Variants in PRKCA observed in about 807,000 individuals in gnomAD.
PRKCA encodes the protein protein kinase C alpha.
PRKCA carries 27 observed loss-of-function variants against 87.0 expected under a neutral mutation model. That is an observed-to-expected ratio of 0.31 (90% CI 0.23 to 0.43). The LOEUF is 0.43. Ranked by LOEUF, PRKCA falls within the 20% of genes least tolerant of loss-of-function variation. PRKCA has a pLI of 1.00. For missense variants in PRKCA, 518 were observed against 852.3 expected (o/e 0.61, Z 4.88); for synonymous variants, 329 against 311.1 (o/e 1.06, Z -0.61).
rs543662891 is a variant in PRKCA, at chr17:66,532,089, ATTGCAGATGGTT to A, written c.288+35811_288+35822del. Among the ~76,000 whole-genome samples, 170 of 151,930 alleles carry A rather than the reference ATTGCAGATGGTT, an allele frequency of 1.1e-3. 1 individual carries two copies. Among genetic ancestry groups the A allele is most frequent in the African/African-American group, 3.7e-3 (154 of 41,434 alleles). ...TCAGGGTGAATTTCCAAGAGGGAAC[ATTGCAGATGGTT>A]TTGCCTTTAGGGATGGATTTTCTTA... is the stretch of plus-strand genomic sequence containing the variant. On this transcript the variant is annotated intron_variant, in intron 3 of 16. Transcript: ENST00000413366.
intron 2 of PRKCA, among the ~76,000 whole-genome samples, chr17:66,336,934 G>A (rs1245454335): frequency 3.3e-5 from 5 of 151,858 alleles, no homozygotes; most frequent in Non-Finnish European, 7.4e-5. Flanking sequence ...GGTTACAGGC[G>A]CCCGCCACCA....
At chr17:66,304,145 C>T (rs1401798696) in intron 1 of PRKCA, among the ~76,000 whole-genome samples, 2 of 152,150 alleles carry the variant, frequency 1.3e-5, no homozygotes, top group African/African-American at 2.4e-5. Context: ...ATTCTTAACT[C>T]GGAGGGTCCC....
At chr17:66,386,952 T>G (rs1224661024) in intron 2 of PRKCA, among the ~76,000 whole-genome samples, 4 of 152,162 alleles carry the variant, frequency 2.6e-5, no homozygotes, top group Non-Finnish European at 5.9e-5. Flanking sequence ...ATGGAAGAAT[T>G]GGTGAAAATG....
chr17:66,433,381 T>C (rs1459915074), intron 2 of PRKCA, among the ~76,000 whole-genome samples: 1 of 152,190 alleles, frequency 6.6e-6, no homozygotes, highest in African/African-American at 2.4e-5. Context: ...GCAGCCTCTC[T>C]CCCTGCTGAG....
intron 2 of PRKCA, among the ~76,000 whole-genome samples, chr17:66,374,337 G>A (rs1199468403): frequency 3.3e-5 from 5 of 152,294 alleles, no homozygotes; most frequent in South Asian, 2.1e-4. Flanking sequence ...AGTCCCCGGT[G>A]GGGGAGCGCT....
At chr17:66,765,467 CATATTTG>C (rs1974791986) in intron 13 of PRKCA, among the ~76,000 whole-genome samples, 3 of 62,112 alleles carry the variant, frequency 4.8e-5, no homozygotes, top group African/African-American at 5.9e-5. Context: ...CATATATATA[CATATTTG>C]TCCATATATA....
At chr17:66,693,554 C>T (rs1215361162) in intron 8 of PRKCA, among the ~76,000 whole-genome samples, 29 of 152,128 alleles carry the variant, frequency 1.9e-4, no homozygotes, top group Admixed American at 1.9e-3. Context: ...AATCTCCAGG[C>T]ACTATTGAGG....
chr17:66,800,901 G>T (rs1568043516), intron 16 of PRKCA, among the ~76,000 whole-genome samples: 1 of 152,128 alleles, frequency 6.6e-6, no homozygotes, highest in African/African-American at 2.4e-5. Context: ...GCTCATCTTT[G>T]CATGGTTAGT....
At chr17:66,374,719 C>CTTTTTT (rs35431248) in intron 2 of PRKCA, among the ~76,000 whole-genome samples, 61 of 115,784 alleles carry the variant, frequency 5.3e-4, no homozygotes, top group African/African-American at 1.3e-3. Context: ...GAGTTGCATT[C>CTTTTTT]TTTTTTTTTT....
At chr17:66,530,702 T>G (rs1218019777) in intron 3 of PRKCA, among the ~76,000 whole-genome samples, 1 of 152,152 alleles carries the variant, frequency 6.6e-6, no homozygotes, top group Admixed American at 6.5e-5. Context: ...CTGACCTACT[T>G]GAAGGCATTC....
intron 3 of PRKCA, among the ~76,000 whole-genome samples, chr17:66,507,953 G>C (rs1456106092): frequency 1.3e-5 from 2 of 152,172 alleles, no homozygotes; most frequent in East Asian, 3.9e-4. Context: ...GATTTCCCAG[G>C]ATCTAAGAAA....
chr17:66,740,412 G>A (rs933770095), intron 11 of PRKCA, among the ~76,000 whole-genome samples: 2 of 152,158 alleles, frequency 1.3e-5, no homozygotes, highest in African/African-American at 4.8e-5. Flanking sequence ...AACCTCGGGG[G>A]CATGTACCCT....
At chr17:66,371,006 C>T (rs529187525) in intron 2 of PRKCA, among the ~76,000 whole-genome samples, 20 of 152,166 alleles carry the variant, frequency 1.3e-4, no homozygotes, top group Middle Eastern at 3.4e-3. Flanking sequence ...AGTGAATCTC[C>T]GAAACAAATC....
At chr17:66,303,174 G>C in intron 1 of PRKCA, 150 bp downstream of exon 1, 1 of 1,096,436 alleles carries the variant, frequency 9.1e-7, no homozygotes, top group Non-Finnish European at 1.3e-6. Flanking sequence ...TGACACGCGC[G>C]CCCGGCCCTG....
chr17:66,534,290 T>C (rs1354029622), intron 3 of PRKCA, among the ~76,000 whole-genome samples: 1 of 152,200 alleles, frequency 6.6e-6, no homozygotes, highest in Non-Finnish European at 1.5e-5. Flanking sequence ...CTGTGTATTC[T>C]GCTGGTATTT....
chr17:66,478,775 G>C (rs1250417878), intron 2 of PRKCA, among the ~76,000 whole-genome samples: 3 of 152,062 alleles, frequency 2.0e-5, no homozygotes. Flanking sequence ...GTTGGTCTGT[G>C]TCCTTATAGA....
chr17:66,651,697 G>T (rs538694592), intron 5 of PRKCA, among the ~76,000 whole-genome samples: 17 of 152,222 alleles, frequency 1.1e-4, no homozygotes, highest in Non-Finnish European at 1.9e-4. Context: ...TGCAGCAGAT[G>T]TATCTGCTCC....
At chr17:66,420,794 C>T (rs1451949021) in intron 2 of PRKCA, among the ~76,000 whole-genome samples, 4 of 152,114 alleles carry the variant, frequency 2.6e-5, no homozygotes, top group African/African-American at 9.7e-5. Context: ...ATTTTGAGAC[C>T]AGTTTTGGAC....
At chr17:66,628,039 C>T (rs750203514) in intron 3 of PRKCA, among the ~76,000 whole-genome samples, 13 of 152,124 alleles carry the variant, frequency 8.5e-5, no homozygotes, top group East Asian at 1.9e-4. Flanking sequence ...CTAACAAAAA[C>T]GGAGAAAAAC....
Sources: gnomAD v4.1 joint callset for allele counts (sites outside exome capture counted in the v4.1 genomes callset) on GRCh38, gnomAD v4.1.1 for gene constraint, MANE v1.5 for transcripts, NCBI Gene and HGNC (gene_info 2026-07-23, HGNC 2026-07-21) for gene names.